The following REV3L variants were observed in gnomAD, a reference collection of about 807,000 sequenced individuals.
REV3L encodes REV3 like, DNA directed polymerase zeta catalytic subunit.
A neutral mutation model predicts 299.4 loss-of-function variants in REV3L; 69 were observed. The observed-to-expected ratio is 0.23, with a 90% confidence interval of 0.19 to 0.28. The LOEUF (loss-of-function observed/expected upper bound fraction) is 0.28, where lower values mean the gene tolerates loss of function less well. REV3L is among the 10% of genes least tolerant of loss of function. REV3L has a pLI of 1.00. For missense variants in REV3L, 3,128 were observed against 3,693.8 expected (o/e 0.85, Z 3.97); for synonymous variants, 1,238 against 1,271.4 (o/e 0.97, Z 0.56).
intron 1 of REV3L, among the ~76,000 whole-genome samples, chr6:111,470,311 T>A (rs1047373261): frequency 6.6e-6 from 1 of 152,206 alleles, no homozygotes; most frequent in African/African-American, 2.4e-5. Context: ...AAATTCTGCT[T>A]CACTGTTTCT....
intron 22 of REV3L, among the ~76,000 whole-genome samples, chr6:111,334,626 C>T (rs1775734442): frequency 6.6e-6 from 1 of 152,034 alleles, no homozygotes; most frequent in Non-Finnish European, 1.5e-5. Flanking sequence ...TCACAAGAAC[C>T]AGCCTGGGTT....
At position 111,374,544 on chromosome 6, in the gene REV3L, C is replaced by A; in HGVS notation, c.3811G>T (p.Gly1271Cys). ...GAAAGGGGATGATCTACAGCAGAGC[C>A]CATTAGTGGCATATCTTTCTGTTTA... ...LFKQKDMPLM[G>C]SAVDHPLSAS... The change falls in exon 13 of 32, where the codon GGC (glycine) becomes TGC (cysteine). Residue 1271 changes from glycine to cysteine, a missense_variant. Physicochemically the swap from Gly to Cys is radical, Grantham distance 159. Coordinates refer to ENST00000368802, the MANE Select transcript of REV3L (RefSeq NM_001372078.1). 1 of 1,613,956 alleles carries A rather than the reference C, an allele frequency of 6.2e-7. No individual in the cohort carries two copies.
chr6:111,483,265 G>A (rs1793999398), upstream of REV3L: 2 of 484,006 alleles, frequency 4.1e-6, no homozygotes, highest in South Asian at 3.4e-5. Flanking sequence ...GTGTGGCGAA[G>A]GGAGGCTGCG....
chr6:111,373,663 G>A lies in REV3L; in HGVS notation c.4692C>T (p.Ser1564=). ...GTTTATTTGCTTTGTTATGCTCAAG[G>A]GAACCAGAAATATTTTTATTTGGTT... The part of the protein sequence containing the change: ...KHQPNKNISG[S]LEHNKANKRT... The change falls in exon 13 of 32, where the codon TCC becomes TCT. Residue 1564 remains serine (S), a synonymous_variant. Transcript: ENST00000368802. 1.2e-6 allele frequency: 2 copies of A among 1,614,012 alleles called. No homozygotes were observed. Among genetic ancestry groups the A allele is most frequent in the Non-Finnish European group, 1.7e-6 (2 of 1,179,986 alleles).
rs545091531 is a variant in REV3L at position 111,314,045 on chromosome 6, A to G, written c.8467-556T>C. 4.6e-5 allele frequency among the ~76,000 whole-genome samples: 7 copies of G among 152,318 alleles called. No individual in the cohort carries two copies. In the East Asian group the frequency reaches 9.6e-4, roughly 21 times the overall value. On this transcript the variant is annotated intron_variant, in intron 27 of 31. Transcript: ENST00000368802. The stretch of plus-strand genomic sequence containing the variant: ...CATCTTGCTTTCCGTTATGTTTACA[A>G]CAAGAGACTGCTTATATACATTCCT...
At position 111,426,146 on chromosome 6, in the gene REV3L, C is replaced by T. The variant is rs185630022; in HGVS notation, c.140-9674G>A. Among the ~76,000 whole-genome samples, 300 of 152,242 alleles carry T rather than the reference C, an allele frequency of 2.0e-3. 1 individual carries two copies. The highest frequency in any genetic ancestry group is 7.0e-3 in the African/African-American group (292 of 41,534). ...TGGTGTCTGAAGTGAGCAGTACTAT[C>T]GGACAGAACCCTTACCCTGTAGGGT... On this transcript the variant is annotated intron_variant, in intron 1 of 31. Coordinates refer to ENST00000368802, the MANE Select transcript of REV3L (RefSeq NM_001372078.1).
rs772912981 is a variant in REV3L, at chr6:111,307,365, A to C, written c.9248T>G (p.Val3083Gly). 2 of 1,613,740 alleles carry C rather than the reference A, an allele frequency of 1.2e-6. No individual in the cohort carries two copies. Among genetic ancestry groups the C allele is most frequent in the Non-Finnish European group, 8.5e-7 (1 of 1,179,730 alleles). ...GCCCATGGAACAAAACTGTACCTTTACAAGTTGCTCCTGTTGACGTTCCAA... is the reference window on the plus strand; with the variant it reads ...GCCCATGGAACAAAACTGTACCTTTCCAAGTTGCTCCTGTTGACGTTCCAA... ...RELERQQEQLVKICKNCTGCF... is the reference protein window; with the variant it reads ...RELERQQEQLGKICKNCTGCF... Residue 3083 changes from valine (V) to glycine (G), a missense_variant, in exon 31 of 32, where the codon GTA (valine) becomes GGA (glycine). Transcript: ENST00000368802.
chr6:111,391,914 A>G (rs2128255512), intron 5 of REV3L, among the ~76,000 whole-genome samples: 1 of 152,386 alleles, frequency 6.6e-6, no homozygotes, highest in East Asian at 1.9e-4. Flanking sequence ...ACTTGAGCCC[A>G]GAAGGCGGCG....
At chr6:111,382,469 GA>G (rs1780926807) in intron 9 of REV3L, among the ~76,000 whole-genome samples, 1 of 152,110 alleles carries the variant, frequency 6.6e-6, no homozygotes, top group African/African-American at 2.4e-5. Flanking sequence ...TGTCACAGTG[GA>G]AAGCAACGTC....
chr6:111,439,236 A>G (rs1392691852), intron 1 of REV3L, among the ~76,000 whole-genome samples: 4 of 152,194 alleles, frequency 2.6e-5, no homozygotes, highest in African/African-American at 9.7e-5. Flanking sequence ...CAAAAAGCAA[A>G]TTTGAGCGAT....
intron 1 of REV3L, among the ~76,000 whole-genome samples, chr6:111,444,250 A>G (rs886473164): frequency 6.6e-6 from 1 of 152,232 alleles, no homozygotes; most frequent in African/African-American, 2.4e-5. Context: ...GAAAAAAGGT[A>G]GGGTTAGATT....
In REV3L at chr6:111,315,324, T is replaced by C; in HGVS notation, c.8409A>G (p.Glu2803=). ...TGGTAGCAGTTACAGCTTCGGCAAT[T>C]TCCTGACCAATCTTAAAAGACTGCT... is the stretch of plus-strand genomic sequence containing the variant. ...TKEQSFKIGQ[E]IAEAVTATNP... The change falls in exon 27 of 32, where the codon GAA becomes GAG. Residue 2803 remains glutamate (E), a synonymous_variant. Coordinates refer to ENST00000368802, the MANE Select transcript of REV3L (RefSeq NM_001372078.1). 1 of 1,614,106 alleles carries C rather than the reference T, an allele frequency of 6.2e-7. No individual in the cohort carries two copies. The highest frequency in any genetic ancestry group is 1.7e-5 in the Admixed American group (1 of 60,018).
At chr6:111,376,838 G>T (rs951537175) in intron 12 of REV3L, 81 bp from the exon 13 acceptor site, 4 of 1,136,300 alleles carry the variant, frequency 3.5e-6, no homozygotes, top group South Asian at 1.9e-5. Context: ...AGATATTAAT[G>T]CTATCACTAT....
chr6:111,413,046 A>G (rs1784404154), intron 2 of REV3L, among the ~76,000 whole-genome samples: 1 of 152,144 alleles, frequency 6.6e-6, no homozygotes, highest in East Asian at 1.9e-4. Flanking sequence ...ACTTTTTATA[A>G]TACCACTTCC....
Position 111,367,308 on chromosome 6 carries a change from GA to G in REV3L, c.6479del (p.Phe2160SerfsTer2). On this transcript the variant is annotated frameshift_variant, in exon 14 of 32. Coordinates refer to ENST00000368802, the MANE Select transcript of REV3L (RefSeq NM_001372078.1). LOFTEE classifies it high-confidence loss of function. ...EELPSLAFEN[F>X]LKPIKDGIQK... is the part of the protein sequence containing the mutation. ...GTATACCATCTTTTATTGGCTTTAA[GA>G]AGTTCTCAAAAGCCAATGAAGGCAG... The G allele has an allele frequency of 6.2e-7, 1 of 1,609,630 alleles. No individual in the cohort carries two copies. Among genetic ancestry groups the G allele is most frequent in the Non-Finnish European group, 8.5e-7 (1 of 1,178,708 alleles).
chr6:111,365,630 T>C (rs1422694738), intron 14 of REV3L, among the ~76,000 whole-genome samples: 1 of 152,186 alleles, frequency 6.6e-6, no homozygotes, highest in African/African-American at 2.4e-5. Flanking sequence ...ATTTATCAAG[T>C]ATCTATGATG....
At chr6:111,318,721 C>T (rs569223882) in intron 26 of REV3L, among the ~76,000 whole-genome samples, 18 of 152,080 alleles carry the variant, frequency 1.2e-4, no homozygotes, top group South Asian at 4.2e-4. Flanking sequence ...CAGGCATGCA[C>T]GACCACGCCC....
chr6:111,406,192 A>C (rs941179592), intron 3 of REV3L, among the ~76,000 whole-genome samples: 1 of 152,224 alleles, frequency 6.6e-6, no homozygotes, highest in South Asian at 2.1e-4. Flanking sequence ...AAACTCTCTA[A>C]GCAAGAGACT....
intron 1 of REV3L, among the ~76,000 whole-genome samples, chr6:111,465,123 T>C (rs1304814093): frequency 3.3e-5 from 5 of 149,956 alleles, no homozygotes; most frequent in Non-Finnish European, 7.4e-5. Context: ...TCTCTCTTGT[T>C]GTGCTGGAGT....
Sources: gnomAD v4.1 joint callset for allele counts (sites outside exome capture counted in the v4.1 genomes callset) on GRCh38, gnomAD v4.1.1 for gene constraint, MANE v1.5 for transcripts, NCBI Gene and HGNC (gene_info 2026-07-23, HGNC 2026-07-21) for gene names.